RABL3: variants seen among roughly 807,000 people sequenced by gnomAD.
The protein encoded by RABL3 is rab-like protein 3.
A neutral mutation model predicts 31.8 loss-of-function variants in RABL3; 31 were observed. That is an observed-to-expected ratio of 0.97 (90% CI 0.73 to 1.31). The LOEUF (loss-of-function observed/expected upper bound fraction) is 1.31. Ranked by LOEUF, RABL3 falls within the 40% of genes most tolerant of loss-of-function variation. The pLI is 0.00. For synonymous variants in RABL3, 97 were observed against 99.9 expected (o/e 0.97, Z 0.18); for missense variants, 263 against 279.6 (o/e 0.94, Z 0.42).
chr3:120,740,468 T>A (rs1709027864), intron 1 of RABL3, among the ~76,000 whole-genome samples: 1 of 152,132 alleles, frequency 6.6e-6, no homozygotes, highest in Admixed American at 6.5e-5. Flanking sequence ...TCTTGCCATG[T>A]TGCCCAGGCT....
intron 2 of RABL3, among the ~76,000 whole-genome samples, chr3:120,715,002 A>T (rs905340616): frequency 1.3e-5 from 2 of 152,176 alleles, no homozygotes; most frequent in Non-Finnish European, 2.9e-5. Flanking sequence ...TTTCCAGGAC[A>T]GCTCCAGGTG....
At chr3:120,720,658 A>C (rs1295885459) in intron 2 of RABL3, among the ~76,000 whole-genome samples, 1 of 152,220 alleles carries the variant, frequency 6.6e-6, no homozygotes, top group Non-Finnish European at 1.5e-5. Flanking sequence ...AGAAAGGAAC[A>C]AAGCCTCCAA....
intron 2 of RABL3, among the ~76,000 whole-genome samples, chr3:120,723,175 C>T (rs879193601): frequency 9.9e-5 from 15 of 152,222 alleles, no homozygotes; most frequent in South Asian, 6.2e-4. Context: ...AACACCTGTA[C>T]GCAAATAAAC....
At chr3:120,734,356 G>C (rs988476089) in intron 1 of RABL3, among the ~76,000 whole-genome samples, 12 of 152,142 alleles carry the variant, frequency 7.9e-5, no homozygotes, top group African/African-American at 2.9e-4. Flanking sequence ...TCTGTTATTG[G>C]TGTATAAGAA....
intron 2 of RABL3, among the ~76,000 whole-genome samples, chr3:120,716,489 G>C (rs1156583978): frequency 6.6e-6 from 1 of 151,734 alleles, no homozygotes; most frequent in African/African-American, 2.4e-5. Flanking sequence ...CTCTATTTTT[G>C]GTTGGCTCTT....
intron 6 of RABL3, among the ~76,000 whole-genome samples, chr3:120,693,668 A>G (rs1176475248): frequency 6.6e-6 from 1 of 152,222 alleles, no homozygotes; most frequent in Non-Finnish European, 1.5e-5. Context: ...CAGAGAGTCA[A>G]TAATTGGAAT....
At chr3:120,706,628 T>TTTTTTTTTTTTTTTTTTTTTTGAG (rs1216005895) in intron 3 of RABL3, among the ~76,000 whole-genome samples, 2 of 151,382 alleles carry the variant, frequency 1.3e-5, no homozygotes, top group South Asian at 2.1e-4. Flanking sequence ...TGCTATTCTT[T>TTTTTTTTTTTTTTTTTTTTTTGAG]AGCTGACAAA....
At chr3:120,710,643 C>T (rs1236192325) in intron 2 of RABL3, 1 of 152,208 alleles carries the variant, frequency 6.6e-6, no homozygotes. Context: ...CCCATCCCCA[C>T]TTTCTTGCTT....
intron 1 of RABL3, 88 bp downstream of exon 1, chr3:120,742,374 C>T (rs1576352935): frequency 7.9e-7 from 1 of 1,262,430 alleles, no homozygotes; most frequent in East Asian, 2.3e-5. Flanking sequence ...GGCCGAGGAG[C>T]CAGGAAGTTG....
In RABL3 at chr3:120,694,180, A is replaced by C; in HGVS notation, c.579T>G (p.Ala193=). The C allele has an allele frequency of 1.2e-6, 2 of 1,610,164 alleles. No individual in the cohort carries two copies. Among genetic ancestry groups the C allele is most frequent in the African/African-American group, 2.7e-5 (2 of 75,012 alleles). ...TATCAAAAAACCTACTGAGCTTGAC[A>C]GCATTGGAAGAACCTGCAGCTAAGT... ...PRYLAAGSSN[A]VKLSRFFDKV... Residue 193 remains alanine (A), a synonymous_variant, in exon 6 of 8, where the codon GCT becomes GCG. Coordinates refer to ENST00000273375, the MANE Select transcript of RABL3 (RefSeq NM_173825.5).
chr3:120,695,758 T>G (rs1037252680), intron 5 of RABL3, among the ~76,000 whole-genome samples: 1 of 152,194 alleles, frequency 6.6e-6, no homozygotes, highest in African/African-American at 2.4e-5. Flanking sequence ...ATAAAATAGA[T>G]ATTGATTAGC....
intron 2 of RABL3, among the ~76,000 whole-genome samples, chr3:120,718,163 C>A (rs889609216): frequency 2.0e-5 from 3 of 152,090 alleles, no homozygotes; most frequent in African/African-American, 7.2e-5. Context: ...TTCCATTATA[C>A]CCTATCCTCA....
At chr3:120,735,802 A>G (rs1708953577) in intron 1 of RABL3, among the ~76,000 whole-genome samples, 1 of 152,130 alleles carries the variant, frequency 6.6e-6, no homozygotes, top group Non-Finnish European at 1.5e-5. Context: ...TTCATTATGT[A>G]CCCAGTAGTC....
chr3:120,730,770 A>T lies in RABL3; in HGVS notation c.64T>A (p.Leu22Ile). 1.9e-6 allele frequency: 3 copies of T among 1,613,312 alleles called. No homozygotes were observed. The highest frequency in any genetic ancestry group is 2.5e-6 in the Non-Finnish European group (3 of 1,179,306). ...LGDSGVGKSS[L>I]VHLLCQNQVL... ...TGATTTTGGCATAGGAGATGGACTA[A>T]CGAAGATTTCCCAACACCTGTAAGA... The change falls in exon 2 of 8, where the codon TTA becomes ATA. Residue 22 changes from leucine (L) to isoleucine (I), a missense_variant. Leu to Ile is a conservative substitution (Grantham distance 5). Coordinates refer to ENST00000273375, the MANE Select transcript of RABL3 (RefSeq NM_173825.5).
At chr3:120,701,496 A>G (rs1437235033) in intron 4 of RABL3, among the ~76,000 whole-genome samples, 1 of 152,206 alleles carries the variant, frequency 6.6e-6, no homozygotes, top group Non-Finnish European at 1.5e-5. Flanking sequence ...TTTCTTTCTG[A>G]TATGAATATG....
intron 2 of RABL3, 136 bp downstream of exon 2, chr3:120,730,560 C>G: frequency 1.6e-6 from 1 of 615,802 alleles, no homozygotes; most frequent in Admixed American, 3.0e-5. Flanking sequence ...TGGCATAGTA[C>G]CTGGCACATA....
chr3:120,742,546 A>G, upstream of RABL3: 10 of 1,609,706 alleles, frequency 6.2e-6, no homozygotes, highest in Non-Finnish European at 8.5e-6. Context: ...CTGTTCCTGG[A>G]TTGTAAGCCA....
intron 2 of RABL3, among the ~76,000 whole-genome samples, chr3:120,712,628 C>T (rs187045015): frequency 6.6e-6 from 1 of 152,304 alleles, no homozygotes. Flanking sequence ...TATCATTTCA[C>T]TAAGCACACT....
chr3:120,717,499 C>T (rs1019581934), intron 2 of RABL3, among the ~76,000 whole-genome samples: 4 of 152,074 alleles, frequency 2.6e-5, no homozygotes, highest in East Asian at 1.9e-4. Context: ...GACAGAGTCT[C>T]GCTCTGTTGC....
Sources: allele counts gnomAD v4.1 joint callset (sites outside exome capture counted in the v4.1 genomes callset), GRCh38; gene constraint gnomAD v4.1.1; transcripts MANE v1.5; gene names NCBI Gene and HGNC (gene_info 2026-07-23, HGNC 2026-07-21).